Variants in DTNA observed in about 807,000 individuals in gnomAD.
DTNA encodes the protein dystrobrevin alpha.
Under a neutral mutation model 100.7 loss-of-function variants are expected in DTNA, and 43 were observed. The observed-to-expected ratio is 0.43, with a 90% confidence interval of 0.33 to 0.55. DTNA has a LOEUF of 0.55. Ranked by LOEUF, DTNA falls within the 20% of genes least tolerant of loss-of-function variation. The probability of loss-of-function intolerance (pLI) is 0.04; values close to 1 mark genes in which losing one functional copy is unlikely to be tolerated. For synonymous variants in DTNA, 349 were observed against 347.9 expected (o/e 1.00, Z -0.04); for missense variants, 798 against 953.9 (o/e 0.84, Z 2.15).
intron 1 of DTNA, among the ~76,000 whole-genome samples, chr18:34,599,663 T>C (rs2147147416): frequency 6.6e-6 from 1 of 152,268 alleles, no homozygotes; most frequent in South Asian, 2.1e-4. Flanking sequence ...TTTACCTGTT[T>C]TTGGTTGTCG....
At chr18:34,755,045 C>A (rs2092678414) in intron 1 of DTNA, among the ~76,000 whole-genome samples, 1 of 152,150 alleles carries the variant, frequency 6.6e-6, no homozygotes, top group South Asian at 2.1e-4. Context: ...GTTAACTATG[C>A]CTGAGAATCA....
At chr18:34,860,226 T>G (rs911183864) in intron 16 of DTNA, among the ~76,000 whole-genome samples, 11 of 130,158 alleles carry the variant, frequency 8.5e-5, no homozygotes, top group East Asian at 2.1e-4. Flanking sequence ...TTTTGTTTTT[T>G]TTTTTTTTTT....
At chr18:34,656,835 A>G (rs1356176704) in intron 1 of DTNA, among the ~76,000 whole-genome samples, 1 of 152,080 alleles carries the variant, frequency 6.6e-6, no homozygotes, top group Non-Finnish European at 1.5e-5. Context: ...ATAGTCCAAT[A>G]GTCTATTTTA....
intron 1 of DTNA, among the ~76,000 whole-genome samples, chr18:34,603,083 G>C (rs117935453): frequency 1.3e-5 from 2 of 151,642 alleles, no homozygotes; most frequent in Admixed American, 6.6e-5. Flanking sequence ...TTAGCTGAGC[G>C]TGGTGGTGTG....
In DTNA at chr18:34,882,175, C is replaced by T; in HGVS notation, c.2269C>T (p.Gln757Ter). 6.2e-7 allele frequency: 1 copy of T among 1,613,994 alleles called. No homozygotes were observed. Among genetic ancestry groups the T allele is most frequent in the East Asian group, 2.2e-5 (1 of 44,856 alleles). Residue 757 changes from glutamine (Q) to a stop codon, truncating the protein, a stop_gained, in exon 21 of 23, where the codon CAG (glutamine) becomes TAG (stop). Transcript: ENST00000444659. LOFTEE classifies it high-confidence loss of function. The stretch of plus-strand genomic sequence containing the variant: ...GCTCCAGATGGAGGAATACCTGAAA[C>T]AGAAGCTGCAAGATGAAGCTTATCA... ...NELQMEEYLK[Q>*]KLQDEAYQVS...
At chr18:34,520,588 A>G (rs1165427281) in intron 1 of DTNA, among the ~76,000 whole-genome samples, 1 of 152,126 alleles carries the variant, frequency 6.6e-6, no homozygotes, top group Non-Finnish European at 1.5e-5. Flanking sequence ...CTGGAGGCAA[A>G]GGTTGCAGTG....
At chr18:34,628,765 T>C (rs1209664987) in intron 1 of DTNA, among the ~76,000 whole-genome samples, 1 of 152,214 alleles carries the variant, frequency 6.6e-6, no homozygotes, top group African/African-American at 2.4e-5. Flanking sequence ...ACATTCTTTT[T>C]TTCTTACTTG....
intron 1 of DTNA, among the ~76,000 whole-genome samples, chr18:34,734,945 G>A (rs1220475428): frequency 1.3e-5 from 2 of 152,072 alleles, no homozygotes; most frequent in Non-Finnish European, 1.5e-5. Context: ...CAAAACCAAC[G>A]AAAGAACTCC....
At chr18:34,795,977 G>A (rs1205610417) in intron 4 of DTNA, among the ~76,000 whole-genome samples, 1 of 152,192 alleles carries the variant, frequency 6.6e-6, no homozygotes, top group Non-Finnish European at 1.5e-5. Flanking sequence ...AGCTAAGTTT[G>A]ACATCTATTC....
intron 1 of DTNA, among the ~76,000 whole-genome samples, chr18:34,731,694 G>C (rs142737548): frequency 6.6e-6 from 1 of 152,140 alleles, no homozygotes; most frequent in African/African-American, 2.4e-5. Flanking sequence ...CTTAATGTAT[G>C]TCTCCCTGAA....
chr18:34,735,815 A>G (rs1041077945), intron 1 of DTNA, among the ~76,000 whole-genome samples: 1 of 152,148 alleles, frequency 6.6e-6, no homozygotes, highest in African/African-American at 2.4e-5. Context: ...TGCATTAGCT[A>G]CTTTTCCTAA....
At chr18:34,811,566 C>A (rs1232552412) in intron 5 of DTNA, among the ~76,000 whole-genome samples, 1 of 152,210 alleles carries the variant, frequency 6.6e-6, no homozygotes, top group Non-Finnish European at 1.5e-5. Flanking sequence ...CACACCCCAA[C>A]TTTATAGTAA....
chr18:34,827,463 A>ATT (rs1312833068), intron 9 of DTNA, 130 bp from the exon 10 acceptor site: 2 of 826,150 alleles, frequency 2.4e-6, no homozygotes, highest in Non-Finnish European at 4.2e-6. Context: ...AAAATATAAG[A>ATT]TTTCTTGTTG....
chr18:34,544,239 A>G (rs1233381224), intron 1 of DTNA, among the ~76,000 whole-genome samples: 2 of 152,094 alleles, frequency 1.3e-5, no homozygotes, highest in Admixed American at 1.3e-4. Flanking sequence ...ACTCTCCAGT[A>G]TGTCTTAATT....
intron 1 of DTNA, among the ~76,000 whole-genome samples, chr18:34,659,013 A>G (rs1407455507): frequency 6.6e-6 from 1 of 152,196 alleles, no homozygotes; most frequent in Admixed American, 6.5e-5. Flanking sequence ...GGATTTTCAA[A>G]TCAGCACCTT....
chr18:34,721,406 G>A (rs2085286782), intron 1 of DTNA, among the ~76,000 whole-genome samples: 1 of 152,040 alleles, frequency 6.6e-6, no homozygotes, highest in Non-Finnish European at 1.5e-5. Flanking sequence ...TACTCCTCCA[G>A]AGCAATCATT....
chr18:34,589,577 C>A (rs1216403961), intron 1 of DTNA, among the ~76,000 whole-genome samples: 1 of 152,076 alleles, frequency 6.6e-6, no homozygotes, highest in Non-Finnish European at 1.5e-5. Context: ...CCACTGTACT[C>A]CAGCCTGAGC....
intron 1 of DTNA, among the ~76,000 whole-genome samples, chr18:34,496,205 A>AACAC (rs367764683): frequency 0.038 from 5,210 of 138,528 alleles, 114 homozygotes; most frequent in African/African-American, 0.068. Flanking sequence ...CCCTCCCTGC[A>AACAC]ACACACACAC....
At chr18:34,764,673 G>A (rs2148453134) in intron 2 of DTNA, among the ~76,000 whole-genome samples, 1 of 152,316 alleles carries the variant, frequency 6.6e-6, no homozygotes, top group East Asian at 1.9e-4. Context: ...TCCCCTAGTG[G>A]GGGACACTTG....
Sources: gnomAD v4.1 joint callset for allele counts (sites outside exome capture counted in the v4.1 genomes callset) on GRCh38, gnomAD v4.1.1 for gene constraint, MANE v1.5 for transcripts, NCBI Gene and HGNC (gene_info 2026-07-23, HGNC 2026-07-21) for gene names.